XPNPEP1: variants seen among roughly 807,000 people sequenced by gnomAD.
XPNPEP1 encodes xaa-Pro aminopeptidase 1.
In XPNPEP1, 39 loss-of-function variants were observed where a neutral mutation model predicts 92.4. The observed-to-expected ratio is 0.42, with a 90% CI of 0.33 to 0.55. The LOEUF (loss-of-function observed/expected upper bound fraction) is 0.55, where lower values mean the gene tolerates loss of function less well. Ranked by LOEUF, XPNPEP1 falls within the 20% of genes least tolerant of loss-of-function variation. XPNPEP1 has a pLI of 0.08. For missense variants in XPNPEP1, 654 were observed against 856.1 expected, an observed-to-expected ratio of 0.76 and a Z score of 2.95; for synonymous variants, 307 against 299.4, an observed-to-expected ratio of 1.03 and a Z score of -0.26.
In XPNPEP1 at chr10:109,867,703, T is replaced by C. The variant is rs951192049; in HGVS notation, c.1872+911A>G. ...TGCCTTGAGAGGCACTCAAAGGCCA[T>C]TGGCTGCCTCAGATAACAAAATATT... On this transcript the variant is annotated intron_variant, in intron 20 of 20. Coordinates refer to ENST00000502935, the MANE Select transcript of XPNPEP1 (RefSeq NM_020383.4). The surrounding 1 kb of genome is among the most constrained non-coding windows in gnomAD (Gnocchi z 4.5). 2.0e-5 allele frequency among the ~76,000 whole-genome samples: 3 copies of C among 152,244 alleles called. No homozygotes were observed. Among genetic ancestry groups the C allele is most frequent in the Non-Finnish European group, 4.4e-5 (3 of 68,040 alleles).
intron 2 of XPNPEP1, among the ~76,000 whole-genome samples, chr10:109,908,982 C>T (rs548596853): frequency 5.9e-5 from 9 of 152,098 alleles, no homozygotes; most frequent in Admixed American, 2.0e-4. Context: ...TAAAGTATGG[C>T]GGGAGTGGCC....
At chr10:109,914,523 G>A (rs934628150) in intron 2 of XPNPEP1, among the ~76,000 whole-genome samples, 11 of 152,120 alleles carry the variant, frequency 7.2e-5, no homozygotes, top group South Asian at 2.1e-4. Flanking sequence ...ATGGCCAGGC[G>A]CAGTGGCTCA....
chr10:109,884,760 C>T (rs753578559), intron 8 of XPNPEP1, among the ~76,000 whole-genome samples: 1 of 152,172 alleles, frequency 6.6e-6, no homozygotes, highest in African/African-American at 2.4e-5. Flanking sequence ...GGGGGACCTG[C>T]GGACAGCCAG....
chr10:109,867,091 C>T lies in XPNPEP1; in HGVS notation c.1872+1523G>A, dbSNP rs748870164. 1.9e-4 allele frequency among the ~76,000 whole-genome samples: 29 copies of T among 152,254 alleles called. No homozygotes were observed. The highest frequency in any genetic ancestry group is 3.8e-4 in the Non-Finnish European group (26 of 68,042). On this transcript the variant is annotated intron_variant, in intron 20 of 20. Transcript: ENST00000502935. This position sits in a 1 kb window ranked among gnomAD's most constrained non-coding sequence, Gnocchi z 4.5. The stretch of plus-strand genomic sequence containing the variant: ...GAATTACTTGGCAGGAATCCATAGC[C>T]TTGGACTTCCAAGAGTGCGAAATGA...
chr10:109,869,778 T>A, intron 19 of XPNPEP1, 175 bp downstream of exon 19: 1 of 571,458 alleles, frequency 1.7e-6, no homozygotes, highest in African/African-American at 1.9e-5. Flanking sequence ...AGGCTCCATG[T>A]TGGCCCCAGA....
At chr10:109,901,465 C>T (rs1589609417) in intron 3 of XPNPEP1, among the ~76,000 whole-genome samples, 1 of 152,278 alleles carries the variant, frequency 6.6e-6, no homozygotes, top group East Asian at 1.9e-4. Context: ...TTCCATGCAT[C>T]CAAATTCTAC....
At position 109,878,895 on chromosome 10, in the gene XPNPEP1, GA is replaced by G. The variant is rs552580800; in HGVS notation, c.1183-838del. 3.8e-4 allele frequency among the ~76,000 whole-genome samples: 57 copies of G among 150,584 alleles called. No individual in the cohort carries two copies. In the South Asian group the frequency reaches 0.011, roughly 29 times the overall value. On this transcript the variant is annotated intron_variant, in intron 12 of 20. Transcript: ENST00000502935. ...CATCTCAAAATAAGAAAAAAAAAAA[GA>G]AAAAAAATTTATCTGCACACTAAGA...
chr10:109,895,651 C>T (rs1564775162), intron 3 of XPNPEP1, among the ~76,000 whole-genome samples: 1 of 152,222 alleles, frequency 6.6e-6, no homozygotes, highest in Non-Finnish European at 1.5e-5. Context: ...AAGCTGGCAA[C>T]GCCCAGGGGC....
intron 1 of XPNPEP1, among the ~76,000 whole-genome samples, chr10:109,921,802 T>C (rs1005524313): frequency 1.3e-5 from 2 of 152,138 alleles, no homozygotes; most frequent in African/African-American, 4.8e-5. Context: ...AGCAGGTCAA[T>C]CCCTCCCTCT....
At chr10:109,870,117 T>C in intron 18 of XPNPEP1, 88 bp from the exon 19 acceptor site, 1 of 1,412,914 alleles carries the variant, frequency 7.1e-7, no homozygotes, top group Non-Finnish European at 9.8e-7. Context: ...ATGACTGCCC[T>C]ACTCCAAAGG....
intron 3 of XPNPEP1, among the ~76,000 whole-genome samples, chr10:109,903,443 T>C (rs929347777): frequency 6.6e-6 from 1 of 152,144 alleles, no homozygotes; most frequent in African/African-American, 2.4e-5. Flanking sequence ...TACATAATCA[T>C]CATGTGCTCC....
rs1322063193 is a variant in XPNPEP1 at position 109,882,657 on chromosome 10, G to C, written c.831-15C>G. The C allele has an allele frequency of 1.2e-6, 2 of 1,613,598 alleles. No homozygotes were observed. Among genetic ancestry groups the C allele is most frequent in the Non-Finnish European group, 1.7e-6 (2 of 1,179,588 alleles). On this transcript the variant is annotated splice_polypyrimidine_tract_variant and intron_variant, in intron 9 of 20. Transcript: ENST00000502935. Reference sequence around the variant, plus strand: ...CAATGAAGAGCCTGCAGATGGAGGAGAGGTGGGTGGCAGAAAAAGGAGGGA... The same window carrying C: ...CAATGAAGAGCCTGCAGATGGAGGACAGGTGGGTGGCAGAAAAAGGAGGGA...
At chr10:109,898,945 G>A (rs1245222063) in intron 3 of XPNPEP1, among the ~76,000 whole-genome samples, 1 of 152,124 alleles carries the variant, frequency 6.6e-6, no homozygotes, top group Non-Finnish European at 1.5e-5. Flanking sequence ...CCCCTTCCCT[G>A]ACCCTCTTCT....
intron 12 of XPNPEP1, among the ~76,000 whole-genome samples, chr10:109,879,008 C>A (rs867858101): frequency 6.6e-6 from 1 of 151,884 alleles, no homozygotes; most frequent in Non-Finnish European, 1.5e-5. Flanking sequence ...TTTGGGAGGC[C>A]GAGGCGGGCG....
intron 9 of XPNPEP1, among the ~76,000 whole-genome samples, chr10:109,883,022 C>T (rs140960931): frequency 6.2e-4 from 94 of 152,320 alleles, no homozygotes; most frequent in African/African-American, 2.2e-3. Flanking sequence ...TAAGTCTTTC[C>T]CCATCTACCG....
Position 109,886,345 on chromosome 10 carries a change from C to A in XPNPEP1, c.653-4G>T, listed in dbSNP as rs1367095300. ...ACCTTGTCCTTCCAGGAGATGCCTGCAAGAAACAAATGTGCTTTAACTCCA... is the reference window on the plus strand; with the variant it reads ...ACCTTGTCCTTCCAGGAGATGCCTGAAAGAAACAAATGTGCTTTAACTCCA... On this transcript the variant is annotated splice_region_variant and splice_polypyrimidine_tract_variant and intron_variant, in intron 7 of 20. Coordinates refer to ENST00000502935, the MANE Select transcript of XPNPEP1 (RefSeq NM_020383.4). 1.2e-6 allele frequency: 2 copies of A among 1,613,652 alleles called. No individual in the cohort carries two copies. The highest frequency in any genetic ancestry group is 1.6e-4 in the Middle Eastern group (1 of 6,084).
At chr10:109,879,132 G>A (rs11194900) in intron 12 of XPNPEP1, among the ~76,000 whole-genome samples, 3,248 of 151,372 alleles carry the variant, frequency 0.021, 42 homozygotes, top group Non-Finnish European at 0.031. Context: ...GTCCCAGCTA[G>A]TCGGGAGGCT....
chr10:109,918,320 C>T (rs1167133002), intron 1 of XPNPEP1, among the ~76,000 whole-genome samples: 3 of 152,086 alleles, frequency 2.0e-5, no homozygotes, highest in Non-Finnish European at 4.4e-5. Context: ...ACTTAGGAGG[C>T]TGAGGCAGGA....
intron 7 of XPNPEP1, among the ~76,000 whole-genome samples, chr10:109,887,213 A>G (rs1315925269): frequency 1.3e-5 from 2 of 152,236 alleles, no homozygotes; most frequent in East Asian, 1.9e-4. Context: ...TAGTGAAAAA[A>G]ACTTCAAACC....
Sources: gnomAD v4.1 joint callset for allele counts (sites outside exome capture counted in the v4.1 genomes callset) on GRCh38, gnomAD v4.1.1 for gene constraint, Gnocchi (gnomAD v3.1) non-coding constraint, MANE v1.5 for transcripts, NCBI Gene and HGNC (gene_info 2026-07-23, HGNC 2026-07-21) for gene names.